SLC35E4: variants seen among roughly 807,000 people sequenced by gnomAD.
The protein encoded by SLC35E4 is solute carrier family 35 member E4, also known as solute carrier family 35, member E4.
A neutral mutation model predicts 19.3 loss-of-function variants in SLC35E4; 15 were observed. The ratio of observed to expected loss-of-function variants is 0.78; its 90% CI spans 0.52 to 1.20. The LOEUF (loss-of-function observed/expected upper bound fraction) is 1.20. SLC35E4 is among the 50% of genes most tolerant of loss of function. The pLI is 0.00. For synonymous variants in SLC35E4, 219 were observed against 219.9 expected (o/e 1.00, Z 0.04); for missense variants, 406 against 472.3 (o/e 0.86, Z 1.30).
intron 1 of SLC35E4, among the ~76,000 whole-genome samples, chr22:30,639,844 A>G (rs1209190852): frequency 6.6e-6 from 1 of 152,184 alleles, no homozygotes; most frequent in Non-Finnish European, 1.5e-5. Flanking sequence ...TTGTGCAGTT[A>G]ACGCAATCAT....
intron 2 of SLC35E4, among the ~76,000 whole-genome samples, chr22:30,656,375 C>T (rs557582933): frequency 1.1e-4 from 17 of 152,224 alleles, no homozygotes; most frequent in African/African-American, 3.9e-4. Context: ...ATTAGATCGC[C>T]ATCTCAACAG....
intron 2 of SLC35E4, among the ~76,000 whole-genome samples, chr22:30,653,592 C>G (rs191326139): frequency 2.5e-4 from 38 of 151,690 alleles, no homozygotes; most frequent in South Asian, 4.2e-4. Context: ...AGGCTGGTCT[C>G]GAACTCCTGA....
At chr22:30,666,521 C>T (rs1270652352), downstream of SLC35E4, among the ~76,000 whole-genome samples, 1 of 144,348 alleles carries the variant, frequency 6.9e-6, no homozygotes, top group Non-Finnish European at 1.5e-5. Flanking sequence ...ACTCAGGAGG[C>T]TGAGACGGGA....
intron 2 of SLC35E4, chr22:30,654,887 C>T (rs1347811289): frequency 5.8e-6 from 1 of 170,946 alleles, no homozygotes; most frequent in Non-Finnish European, 1.2e-5. Flanking sequence ...CCCCTTCACC[C>T]CTGAGGTACC....
At chr22:30,662,132 T>A (rs181287363) in exon 3 of SLC35E4, 1 of 151,606 alleles carries the variant, frequency 6.6e-6, no homozygotes, top group South Asian at 2.1e-4. Flanking sequence ...ATTATGGGGA[T>A]GTGTGTGCCG....
At position 30,636,380 on chromosome 22, in the gene SLC35E4, A is replaced by C; in HGVS notation, c.-71A>C. 2 of 1,434,276 alleles carry C rather than the reference A, an allele frequency of 1.4e-6. No individual in the cohort carries two copies. The highest frequency in any genetic ancestry group is 1.8e-6 in the Non-Finnish European group (2 of 1,095,528). 88.8% of individuals were successfully genotyped at this position (1,434,276 alleles called of 1,614,324 possible). A position where few individuals can be genotyped will look rare whatever the true frequency, so the allele number is the denominator to read the frequency against. On this transcript the variant is annotated 5_prime_UTR_variant, in exon 1 of 2. Transcript: ENST00000343605. ...GGAACCAGGATCTAGCCTGGCCCCAAGCGGAACTCTCTGGTGGCCCAGAGG... is the reference window on the plus strand; with the variant it reads ...GGAACCAGGATCTAGCCTGGCCCCACGCGGAACTCTCTGGTGGCCCAGAGG...
chr22:30,642,701 C>T (rs920120667), intron 1 of SLC35E4, among the ~76,000 whole-genome samples: 4 of 136,236 alleles, frequency 2.9e-5, no homozygotes, highest in Non-Finnish European at 6.3e-5. Flanking sequence ...AGATATCACA[C>T]CATTGCACTC....
intron 1 of SLC35E4, among the ~76,000 whole-genome samples, chr22:30,641,891 C>A (rs1298756480): frequency 6.6e-6 from 1 of 151,992 alleles, no homozygotes; most frequent in Non-Finnish European, 1.5e-5. Context: ...GCGAGCTGAT[C>A]TCATAGACTG....
intron 1 of SLC35E4, among the ~76,000 whole-genome samples, chr22:30,639,527 G>C (rs547014267): frequency 6.6e-6 from 1 of 152,128 alleles, no homozygotes; most frequent in African/African-American, 2.4e-5. Context: ...GAGCGCTATG[G>C]GAGACTGGGG....
At chr22:30,656,811 A>C (rs2088347006) in intron 2 of SLC35E4, among the ~76,000 whole-genome samples, 1 of 152,178 alleles carries the variant, frequency 6.6e-6, no homozygotes, top group African/African-American at 2.4e-5. Context: ...AATATTTAAA[A>C]AGAGAGTTAA....
At chr22:30,637,302 A>C (rs1029225582) in intron 1 of SLC35E4, among the ~76,000 whole-genome samples, 3 of 152,176 alleles carry the variant, frequency 2.0e-5, no homozygotes, top group Non-Finnish European at 4.4e-5. Context: ...TTACTTATTT[A>C]GACAGGGTCT....
intron 2 of SLC35E4, among the ~76,000 whole-genome samples, chr22:30,658,802 G>T (rs535678554): frequency 6.6e-6 from 1 of 152,098 alleles, no homozygotes. Flanking sequence ...CTGCTCACTG[G>T]GGGGCATAAG....
chr22:30,640,498 GGGCTCTGGGCAGTTTAGGGCCGA>G (rs1418409053), intron 1 of SLC35E4, among the ~76,000 whole-genome samples: 4 of 152,202 alleles, frequency 2.6e-5, no homozygotes, highest in Non-Finnish European at 5.9e-5. Context: ...GAGGGCAGCA[GGGCTCTGGGCAGTTTAGGGCCGA>G]GGCTCCAGGC....
chr22:30,650,739 G>A (rs192366694), downstream of SLC35E4, among the ~76,000 whole-genome samples: 291 of 152,204 alleles, frequency 1.9e-3, no homozygotes, highest in Admixed American at 4.4e-3. Flanking sequence ...AAGGCTTCTC[G>A]TGTTATCTGC....
chr22:30,645,148 T>C (rs1482762757), intron 1 of SLC35E4, among the ~76,000 whole-genome samples: 1 of 152,230 alleles, frequency 6.6e-6, no homozygotes, highest in Non-Finnish European at 1.5e-5. Context: ...TCTTTTTTAA[T>C]GCAAAGGCCC....
At chr22:30,651,293 C>G (rs1410170435), downstream of SLC35E4, among the ~76,000 whole-genome samples, 1 of 149,734 alleles carries the variant, frequency 6.7e-6, no homozygotes, top group Non-Finnish European at 1.5e-5. Context: ...CTCTGCCTCC[C>G]AGGTTCAAGT....
downstream of SLC35E4, chr22:30,664,020 T>A: frequency 6.2e-7 from 1 of 1,603,376 alleles, no homozygotes; most frequent in Non-Finnish European, 8.5e-7. Flanking sequence ...GGTGGGTCAG[T>A]GGTCAGCAGT....
At chr22:30,651,603 A>C (rs983512658), downstream of SLC35E4, among the ~76,000 whole-genome samples, 1 of 151,478 alleles carries the variant, frequency 6.6e-6, no homozygotes, top group African/African-American at 2.4e-5. Context: ...CTTGATAAGT[A>C]GACCTTCAAT....
At chr22:30,668,797 A>G (rs953749594) in exon 3 of SLC35E4, 1 of 152,012 alleles carries the variant, frequency 6.6e-6, no homozygotes, top group Admixed American at 6.6e-5. Context: ...CATAACCCCC[A>G]TCACTGCATC....
Sources: gnomAD v4.1 joint callset for allele counts (sites outside exome capture counted in the v4.1 genomes callset) on GRCh38, gnomAD v4.1.1 for gene constraint, MANE v1.5 for transcripts, NCBI Gene and HGNC (gene_info 2026-07-23, HGNC 2026-07-21) for gene names.